Variants in TTLL6 observed in about 807,000 individuals in gnomAD.
TTLL6 encodes tubulin tyrosine ligase like 6.
In TTLL6, 75 loss-of-function variants were observed where a neutral mutation model predicts 96.4. The observed-to-expected ratio is 0.78, with a 90% CI of 0.65 to 0.94. TTLL6 has a LOEUF of 0.94. Ranked by LOEUF, TTLL6 falls within the 40% of genes least tolerant of loss-of-function variation. The probability of loss-of-function intolerance (pLI) is 0.00; values close to 1 mark genes in which losing one functional copy is unlikely to be tolerated. For missense variants in TTLL6, 1,030 were observed against 1,093.0 expected (o/e 0.94, Z 0.81); for synonymous variants, 411 against 419.4 (o/e 0.98, Z 0.24).
chr17:48,769,150 T>C lies in TTLL6; in HGVS notation c.2515A>G (p.Asn839Asp), dbSNP rs1445770887. The C allele has an allele frequency of 6.2e-7, 1 of 1,614,102 alleles. No homozygotes were observed. Among genetic ancestry groups the C allele is most frequent in the African/African-American group, 1.3e-5 (1 of 75,032 alleles). ...ACCAGCAGGTCCCTCAGAGTAACAT[T>C]ATAGCTCTGAGGACTCTGCAAGAGG... Reference protein sequence around the residue: ...SLLLQSPQSYNVTLRDLLVIA... With the variant: ...SLLLQSPQSYDVTLRDLLVIA... Residue 839 changes from asparagine to aspartate, a missense_variant, in exon 15 of 16, where the codon AAT becomes GAT. Physicochemically the swap from Asn to Asp is conservative, Grantham distance 23 (BLOSUM62 1). Coordinates refer to ENST00000393382, the MANE Select transcript of TTLL6 (RefSeq NM_001130918.3).
At position 48,762,438 on chromosome 17, in the gene TTLL6, TG is replaced by T. The variant is rs1324173379; in HGVS notation, c.*535del. The T allele has an allele frequency of 2.0e-5, 3 of 152,744 alleles. No individual in the cohort carries two copies. The highest frequency in any genetic ancestry group is 7.2e-5 in the African/African-American group (3 of 41,392). 9.5% of individuals were successfully genotyped at this position (152,744 alleles called of 1,614,324 possible). A position where few individuals can be genotyped will look rare whatever the true frequency, so the allele number is the denominator to read the frequency against. ...TGGCAAGTCTTTGGGCTGGTGGGGA[TG>T]GGCGGAGGTCGGGCCTTGACCTTGT... On this transcript the variant is annotated 3_prime_UTR_variant, in exon 16 of 16. Coordinates refer to ENST00000393382, the MANE Select transcript of TTLL6 (RefSeq NM_001130918.3).
At chr17:48,793,215 T>G (rs1469939686) in intron 8 of TTLL6, among the ~76,000 whole-genome samples, 2 of 151,998 alleles carry the variant, frequency 1.3e-5, no homozygotes, top group Non-Finnish European at 1.5e-5. Flanking sequence ...AGAAGAAGAT[T>G]GTCTCAAAAG....
chr17:48,802,459 A>G (rs1407570798), intron 3 of TTLL6, among the ~76,000 whole-genome samples: 2 of 152,270 alleles, frequency 1.3e-5, no homozygotes, highest in African/African-American at 4.8e-5. Context: ...GTCAGGATTA[A>G]TAAGTAGGAG....
chr17:48,769,886 C>T lies in TTLL6; in HGVS notation c.2252G>A (p.Ser751Asn), dbSNP rs1461723739. ...LKSFLPTKSKSFWESPNTNWT... is the reference protein window; with the variant it reads ...LKSFLPTKSKNFWESPNTNWT... ...GTTTGTGTTCGGACTCTCCCAGAAG[C>T]TCTTGGATTTTGTGGGCAGAAAAGA... Residue 751 changes from serine to asparagine, a missense_variant, in exon 14 of 16, where the codon AGC (serine) becomes AAC (asparagine). Physicochemically the swap from Ser to Asn is conservative, Grantham distance 46. Coordinates refer to ENST00000393382, the MANE Select transcript of TTLL6 (RefSeq NM_001130918.3). 8 of 1,614,092 alleles carry T rather than the reference C, an allele frequency of 5.0e-6. No homozygotes were observed. The highest frequency in any genetic ancestry group is 1.3e-5 in the African/African-American group (1 of 74,924).
In TTLL6 at chr17:48,799,677, C is replaced by T; in HGVS notation, c.695G>A (p.Gly232Asp). Reference protein sequence around the residue: ...CKPDSGCQGKGIFITRTVKEI... With the variant: ...CKPDSGCQGKDIFITRTVKEI... ...TTTCACTGTCCGGGTGATGAATATA[C>T]CTTTCCCTTGGCAGCCCGAATCCGG... Residue 232 changes from glycine to aspartate, a missense_variant, in exon 6 of 16, where the codon GGT becomes GAT. Gly to Asp is a moderately conservative substitution (Grantham distance 94). Transcript: ENST00000393382. The T allele has an allele frequency of 6.4e-7, 1 of 1,551,876 alleles. No individual in the cohort carries two copies. The highest frequency in any genetic ancestry group is 8.7e-7 in the Non-Finnish European group (1 of 1,147,022).
In TTLL6 at chr17:48,769,264, CAA is replaced by C. The variant is rs758080120; in HGVS notation, c.2411-12_2411-11del. 2.5e-6 allele frequency: 4 copies of C among 1,588,180 alleles called. No homozygotes were observed. Among genetic ancestry groups the C allele is most frequent in the South Asian group, 1.1e-5 (1 of 88,244 alleles). ...GGCAGGGAGGGGTTTTCTGGAAAGG[CAA>C]AGTCAGAAGCATCAGCGATTTGTGC... On this transcript the variant is annotated splice_polypyrimidine_tract_variant and intron_variant, in intron 14 of 15. Transcript: ENST00000393382.
At chr17:48,811,140 C>G (rs563257742) in intron 1 of TTLL6, among the ~76,000 whole-genome samples, 4 of 147,094 alleles carry the variant, frequency 2.7e-5, no homozygotes, top group Non-Finnish European at 4.4e-5. Flanking sequence ...ATGATTTCGG[C>G]TCACTGCAAC....
chr17:48,817,105 C>A lies in TTLL6; in HGVS notation c.-33G>T. The stretch of plus-strand genomic sequence containing the variant: ...CAGACAGCCCCAACCCCAACCCGCG[C>A]TCGCCCTAACTTTGGGTCCGCCCGG... On this transcript the variant is annotated 5_prime_UTR_variant, in exon 1 of 16. Transcript: ENST00000393382. 6.6e-7 allele frequency: 1 copy of A among 1,508,656 alleles called. No individual in the cohort carries two copies. The highest frequency in any genetic ancestry group is 8.9e-7 in the Non-Finnish European group (1 of 1,124,628). The allele number at this position is 1,508,656 out of a possible 1,614,324, so 93.5% of individuals were successfully genotyped here.
intron 1 of TTLL6, among the ~76,000 whole-genome samples, chr17:48,814,318 C>CAAAAAAAA (rs398030988): frequency 1.9e-5 from 1 of 52,860 alleles, no homozygotes; most frequent in Non-Finnish European, 3.3e-5. Context: ...GACAGTGTCT[C>CAAAAAAAA]AAAAAAAAAA....
intron 13 of TTLL6, among the ~76,000 whole-genome samples, chr17:48,779,505 G>A (rs2038947765): frequency 6.6e-6 from 1 of 151,956 alleles, no homozygotes; most frequent in South Asian, 2.1e-4. Context: ...TTCTTATAAA[G>A]TTACATATAG....
intron 6 of TTLL6, among the ~76,000 whole-genome samples, chr17:48,799,270 G>A (rs1241845244): frequency 6.6e-6 from 1 of 152,224 alleles, no homozygotes; most frequent in East Asian, 1.9e-4. Context: ...TCAAGTCAAA[G>A]AGAAAAGCTG....
At chr17:48,783,675 T>C (rs471877) in intron 13 of TTLL6, among the ~76,000 whole-genome samples, 127,519 of 152,142 alleles carry the variant, frequency 0.84, 54,828 homozygotes, top group Non-Finnish European at 0.93. Flanking sequence ...CAGTGATCCA[T>C]CTGCTTCGGC....
intron 11 of TTLL6, among the ~76,000 whole-genome samples, chr17:48,787,459 C>T (rs953933769): frequency 1.3e-5 from 2 of 152,174 alleles, no homozygotes; most frequent in African/African-American, 4.8e-5. Context: ...GGTGCAATCA[C>T]AGCTCCCTGC....
intron 9 of TTLL6, 48 bp downstream of exon 9, chr17:48,791,330 G>A: frequency 6.5e-7 from 1 of 1,530,014 alleles, no homozygotes; most frequent in Middle Eastern, 2.0e-4. Flanking sequence ...AAGCGGGCTG[G>A]CCCCAATAAC....
chr17:48,799,435 C>T (rs1251902439), intron 6 of TTLL6, among the ~76,000 whole-genome samples, 169 bp downstream of exon 6: 1 of 152,236 alleles, frequency 6.6e-6, no homozygotes, highest in Non-Finnish European at 1.5e-5. Flanking sequence ...GGCCCGGGCA[C>T]GTGTCAGCAC....
intron 13 of TTLL6, among the ~76,000 whole-genome samples, chr17:48,784,601 G>T (rs1259915616): frequency 6.6e-6 from 1 of 152,106 alleles, no homozygotes; most frequent in Non-Finnish European, 1.5e-5. Flanking sequence ...CCAACACCTT[G>T]GTTTCAGACT....
intron 1 of TTLL6, among the ~76,000 whole-genome samples, chr17:48,811,780 C>A (rs906679382): frequency 6.6e-6 from 1 of 151,228 alleles, no homozygotes; most frequent in African/African-American, 2.4e-5. Flanking sequence ...TCACTGCAAC[C>A]TCCACCTCCC....
At chr17:48,772,377 C>A (rs1342989667) in intron 13 of TTLL6, among the ~76,000 whole-genome samples, 1 of 151,520 alleles carries the variant, frequency 6.6e-6, no homozygotes. Context: ...ATGAGATGAC[C>A]CAAATGTTGG....
At chr17:48,797,844 C>T (rs1474992203) in intron 6 of TTLL6, among the ~76,000 whole-genome samples, 1 of 141,046 alleles carries the variant, frequency 7.1e-6, no homozygotes, top group Non-Finnish European at 1.5e-5. Context: ...TGGTTTATGT[C>T]TATAATCCCA....
Sources: allele counts gnomAD v4.1 joint callset (sites outside exome capture counted in the v4.1 genomes callset), GRCh38; gene constraint gnomAD v4.1.1; transcripts MANE v1.5; gene names NCBI Gene and HGNC (gene_info 2026-07-23, HGNC 2026-07-21).